Variants in UPF1 observed in about 807,000 individuals in gnomAD.
UPF1 encodes regulator of nonsense transcripts 1.
UPF1 carries 9 observed loss-of-function variants against 129.2 expected under a neutral mutation model. The observed-to-expected ratio is 0.07, with a 90% CI of 0.04 to 0.12. The LOEUF (loss-of-function observed/expected upper bound fraction) is 0.12. Among genes scored for constraint, UPF1 ranks in the 10% least tolerant of loss-of-function variants. UPF1 has a pLI of 1.00. For missense variants in UPF1, 788 were observed against 1,525.3 expected, an observed-to-expected ratio of 0.52 and a Z score of 8.05; for synonymous variants, 649 against 644.9, an observed-to-expected ratio of 1.01 and a Z score of -0.10.
At chr19:18,840,698 A>G (rs923792632) in intron 1 of UPF1, among the ~76,000 whole-genome samples, 2 of 152,170 alleles carry the variant, frequency 1.3e-5, no homozygotes, top group African/African-American at 2.4e-5. Flanking sequence ...CGGAGGGTTC[A>G]TGGCCTTGAG....
chr19:18,839,435 G>T (rs899259186), intron 1 of UPF1, among the ~76,000 whole-genome samples: 4 of 152,120 alleles, frequency 2.6e-5, no homozygotes, highest in Admixed American at 6.5e-5. Context: ...TAAATTTACG[G>T]AATTGGGCAG....
At chr19:18,837,433 A>AGCAGAGATGAAGGTGTGTGTAC (rs1358681394) in intron 1 of UPF1, among the ~76,000 whole-genome samples, 6 of 152,206 alleles carry the variant, frequency 3.9e-5, no homozygotes, top group African/African-American at 1.2e-4. Context: ...CCTGTGACCT[A>AGCAGAGATGAAGGTGTGTGTAC]GCAGAGATGA....
chr19:18,855,813 A>C, intron 11 of UPF1, 112 bp from the exon 12 acceptor site: 1 of 1,419,990 alleles, frequency 7.0e-7, no homozygotes, highest in East Asian at 2.5e-5. Context: ...ACACCACTGC[A>C]CTCCAGCCTG....
chr19:18,849,765 G>C (rs2055638535), intron 3 of UPF1: 1 of 347,680 alleles, frequency 2.9e-6, no homozygotes, highest in African/African-American at 2.2e-5. Context: ...GCAGCCCTGG[G>C]CCAACAATGG....
At position 18,864,396 on chromosome 19, in the gene UPF1, G is replaced by A. The variant is rs373341315; in HGVS notation, c.2857+145G>A. ...CTCCCTTGGCCTCCCCGCCCCTAGG[G>A]CATCTCTAGCCCCGGAACACTCCTG... On this transcript the variant is annotated intron_variant, in intron 20 of 23. Transcript: ENST00000262803. 5.1e-4 allele frequency: 335 copies of A among 653,090 alleles called. 4 individuals carry two copies. In the East Asian group the frequency reaches 7.2e-3, roughly 14 times the overall value. 40.5% of individuals were successfully genotyped at this position (653,090 alleles called of 1,614,324 possible).
In UPF1 at chr19:18,853,281, T is replaced by C; in HGVS notation, c.1087T>C (p.Cys363Arg). 1 of 1,613,344 alleles carries C rather than the reference T, an allele frequency of 6.2e-7. No individual in the cohort carries two copies. The highest frequency in any genetic ancestry group is 8.5e-7 in the Non-Finnish European group (1 of 1,179,516). ...GCGGCTCATGCAGGGGGATGAGATA[T>C]GCCTGCGGTACAAAGGGGACCTTGC... ...DMRLMQGDEI[C>R]LRYKGDLAPL... Residue 363 changes from cysteine (C) to arginine (R), a missense_variant, in exon 8 of 24, where the codon TGC (cysteine) becomes CGC (arginine). Physicochemically the swap from Cys to Arg is radical, Grantham distance 180. This residue lies in a region of UPF1 where 227 missense variants were observed against 517.9 expected (regional missense o/e 0.44). Coordinates refer to ENST00000262803, the MANE Select transcript of UPF1 (RefSeq NM_002911.4). The surrounding 1 kb of genome is among the most constrained non-coding windows in gnomAD (Gnocchi z 4.4).
At chr19:18,847,453 C>T (rs1025117791) in intron 2 of UPF1, among the ~76,000 whole-genome samples, 1 of 152,220 alleles carries the variant, frequency 6.6e-6, no homozygotes, top group Admixed American at 6.5e-5. Context: ...GGCCAAAGAA[C>T]GGGGACTAGA....
At chr19:18,849,933 C>A in intron 3 of UPF1, 142 bp from the exon 4 acceptor site, 1 of 1,033,576 alleles carries the variant, frequency 9.7e-7, no homozygotes, top group East Asian at 2.6e-5. Context: ...GGCTGGCCCC[C>A]AGAGATGCCA....
At chr19:18,861,381 T>C (rs2055777572) in intron 17 of UPF1, among the ~76,000 whole-genome samples, 2 of 152,098 alleles carry the variant, frequency 1.3e-5, no homozygotes, top group Admixed American at 1.3e-4. Context: ...TGCGGGTGTG[T>C]GGGGAGGAGG....
chr19:18,861,112 G>A lies in UPF1; in HGVS notation c.2457+130G>A, dbSNP rs150966554. The A allele has an allele frequency of 4.5e-5, 59 of 1,296,934 alleles. No individual in the cohort carries two copies. The African/African-American group carries it at 7.7e-4, about 17-fold the overall frequency. The allele number at this position is 1,296,934 out of a possible 1,614,324, so 80.3% of individuals were successfully genotyped here. A position where few individuals can be genotyped will look rare whatever the true frequency, so the allele number is the denominator to read the frequency against. On this transcript the variant is annotated intron_variant, in intron 17 of 23. Coordinates refer to ENST00000262803, the MANE Select transcript of UPF1 (RefSeq NM_002911.4). ...AGAATGGCCCAGGAAGCACCAGCTG[G>A]CCCACCCTCTGGGGAGGGCACAGAC...
chr19:18,860,832 G>A lies in UPF1; in HGVS notation c.2307G>A (p.Glu769=). 1 of 1,612,478 alleles carries A rather than the reference G, an allele frequency of 6.2e-7. No individual in the cohort carries two copies. Among genetic ancestry groups the A allele is most frequent in the Non-Finnish European group, 8.5e-7 (1 of 1,179,708 alleles). The change falls in exon 17 of 24, where the codon GAG becomes GAA. Residue 769 remains glutamate, a synonymous_variant. Transcript: ENST00000262803. ...SSGTSYLNRT[E]AANVEKITTK... ...GACAGCCTGGGTTTCTTAGGACCGAGGCTGCGAACGTGGAGAAGATCACCA... is the reference window on the plus strand; with the variant it reads ...GACAGCCTGGGTTTCTTAGGACCGAAGCTGCGAACGTGGAGAAGATCACCA...
At position 18,856,857 on chromosome 19, in the gene UPF1, G is replaced by GC. The variant is rs377337955; in HGVS notation, c.1825-18dup. 1.3e-3 allele frequency: 2,032 copies of GC among 1,602,334 alleles called. 9 individuals carry two copies. The Middle Eastern group carries it at 0.019, about 15-fold the overall frequency. ...GCGTTTACAGTGCAGGTGCCCTGAT[G>GC]CCTCTGCACCCTTCCCCAGAACGCA... On this transcript the variant is annotated intron_variant, in intron 13 of 23. Transcript: ENST00000262803.
At chr19:18,837,935 TCTC>T (rs1206759476) in intron 1 of UPF1, among the ~76,000 whole-genome samples, 1 of 152,194 alleles carries the variant, frequency 6.6e-6, no homozygotes, top group Non-Finnish European at 1.5e-5. Flanking sequence ...CAGCCCTCAC[TCTC>T]CTCCTGCCAG....
chr19:18,838,556 G>A (rs1360116982), intron 1 of UPF1, among the ~76,000 whole-genome samples: 1 of 152,160 alleles, frequency 6.6e-6, no homozygotes, highest in Non-Finnish European at 1.5e-5. Flanking sequence ...GCTGAGGCAG[G>A]AGAATCGCTT....
chr19:18,862,211 A>C, intron 18 of UPF1, 59 bp downstream of exon 18: 6 of 1,592,114 alleles, frequency 3.8e-6, no homozygotes, highest in Non-Finnish European at 5.1e-6. Context: ...CTTCCCAGGG[A>C]ATTTGGGGCT....
rs1485452973 is a variant in UPF1, at chr19:18,865,614, T to A, written c.3073T>A (p.Phe1025Ile). The A allele has an allele frequency of 6.2e-7, 1 of 1,613,808 alleles. No homozygotes were observed. The highest frequency in any genetic ancestry group is 1.3e-5 in the African/African-American group (1 of 75,058). Residue 1025 changes from phenylalanine (F) to isoleucine (I), a missense_variant, in exon 22 of 24, where the codon TTT becomes ATT. Transcript: ENST00000262803. This position sits in a 1 kb window ranked among gnomAD's most constrained non-coding sequence, Gnocchi z 6.1. The stretch of plus-strand genomic sequence containing the variant: ...TCGTGGGGGACGCCAGAAGAACCGC[T>A]TTGGGCTTCCTGGACCCAGCCAGAC... ...TGRGGRQKNR[F>I]GLPGPSQTNL... is the part of the protein sequence containing the mutation.
At chr19:18,855,816 C>T (rs1433838666) in intron 11 of UPF1, 109 bp from the exon 12 acceptor site, 36 of 1,448,168 alleles carry the variant, frequency 2.5e-5, no homozygotes, top group Non-Finnish European at 3.0e-5. Context: ...CCACTGCACT[C>T]CAGCCTGGGC....
chr19:18,849,699 G>T, intron 3 of UPF1: 6 of 226,868 alleles, frequency 2.6e-5, no homozygotes, highest in South Asian at 1.0e-4. Flanking sequence ...TGGTGGCGGG[G>T]GTTGACCTTG....
Position 18,850,775 on chromosome 19 carries a change from G to C in UPF1, c.717G>C (p.Leu239=). The C allele has an allele frequency of 6.2e-7, 1 of 1,611,364 alleles. No individual in the cohort carries two copies. Among genetic ancestry groups the C allele is most frequent in the East Asian group, 2.2e-5 (1 of 44,796 alleles). The change falls in exon 5 of 24, where the codon CTG becomes CTC. Residue 239 remains leucine (L), a synonymous_variant. Coordinates refer to ENST00000262803, the MANE Select transcript of UPF1 (RefSeq NM_002911.4). The surrounding 1 kb of genome is among the most constrained non-coding windows in gnomAD (Gnocchi z 7.1). The part of the protein sequence containing the change: ...WQPLIQDRCF[L]SWLVKIPSEQ... ...CGCTGATCCAGGACCGCTGCTTCCT[G>C]TCCTGGCTGGTCAAGATCCCCTCCG...
Sources: gnomAD v4.1 joint callset for allele counts (sites outside exome capture counted in the v4.1 genomes callset) on GRCh38, gnomAD v4.1.1 for gene constraint, gnomAD v4.1.1 regional missense constraint, Gnocchi (gnomAD v3.1) non-coding constraint, MANE v1.5 for transcripts, NCBI Gene and HGNC (gene_info 2026-07-23, HGNC 2026-07-21) for gene names.